The following RIMS2 variants were observed in gnomAD, a reference collection of about 807,000 sequenced individuals.
RIMS2 encodes the protein regulating synaptic membrane exocytosis 2, also known as regulating synaptic membrane exocytosis protein 2.
In RIMS2, 59 loss-of-function variants were observed where a neutral mutation model predicts 174.4. That is an observed-to-expected ratio of 0.34 (90% CI 0.27 to 0.42). RIMS2 has a LOEUF of 0.42. Ranked by LOEUF, RIMS2 falls within the 10% of genes least tolerant of loss-of-function variation. The probability of loss-of-function intolerance (pLI) is 1.00; values close to 1 mark genes in which losing one functional copy is unlikely to be tolerated. For synonymous variants in RIMS2, 606 were observed against 572.5 expected, an observed-to-expected ratio of 1.06 and a Z score of -0.84; for missense variants, 1,620 against 1,666.3, an observed-to-expected ratio of 0.97 and a Z score of 0.48.
At chr8:103,585,107 A>G (rs750370484) in intron 1 of RIMS2, among the ~76,000 whole-genome samples, 2 of 152,202 alleles carry the variant, frequency 1.3e-5, no homozygotes, top group Non-Finnish European at 2.9e-5. Flanking sequence ...TTCTCAAAAG[A>G]AGACATTTAT....
At chr8:104,198,879 G>A (rs2099039167) in intron 19 of RIMS2, among the ~76,000 whole-genome samples, 2 of 152,094 alleles carry the variant, frequency 1.3e-5, no homozygotes, top group Admixed American at 1.3e-4. Context: ...TAGGAGAAAA[G>A]CACACAAATT....
At chr8:103,727,551 C>T (rs2097540429) in intron 2 of RIMS2, among the ~76,000 whole-genome samples, 1 of 152,110 alleles carries the variant, frequency 6.6e-6, no homozygotes, top group East Asian at 1.9e-4. Context: ...TTGCCCAGAC[C>T]AATGTCCTGG....
chr8:103,862,447 C>T (rs2099063746), intron 3 of RIMS2, among the ~76,000 whole-genome samples: 1 of 151,676 alleles, frequency 6.6e-6, no homozygotes, highest in African/African-American at 2.4e-5. Flanking sequence ...ATTGCTTTGG[C>T]TATTCAGGCT....
intron 1 of RIMS2, among the ~76,000 whole-genome samples, chr8:103,658,783 G>A (rs1051715083): frequency 6.6e-5 from 10 of 152,286 alleles, no homozygotes; most frequent in African/African-American, 2.4e-4. Flanking sequence ...TACTAAATGT[G>A]CAGATCTCAG....
At chr8:103,829,152 C>G (rs901063900) in intron 3 of RIMS2, among the ~76,000 whole-genome samples, 1 of 148,034 alleles carries the variant, frequency 6.8e-6, no homozygotes, top group Non-Finnish European at 1.5e-5. Context: ...TGTTCAATAG[C>G]TCTAATCATT....
At chr8:104,046,189 A>G (rs2096691396) in intron 19 of RIMS2, among the ~76,000 whole-genome samples, 1 of 152,058 alleles carries the variant, frequency 6.6e-6, no homozygotes, top group African/African-American at 2.4e-5. Context: ...GTGTCTGGCT[A>G]GGGCCTGCTT....
chr8:103,855,518 C>G (rs571007488), intron 3 of RIMS2, among the ~76,000 whole-genome samples: 1 of 152,208 alleles, frequency 6.6e-6, no homozygotes, highest in East Asian at 1.9e-4. Context: ...CCTCTTAACA[C>G]TACTTTAGCT....
At chr8:104,172,351 A>G (rs749284931) in intron 19 of RIMS2, among the ~76,000 whole-genome samples, 4 of 152,112 alleles carry the variant, frequency 2.6e-5, no homozygotes, top group Non-Finnish European at 5.9e-5. Flanking sequence ...TAGAAATGGG[A>G]GGTACCAACT....
intron 3 of RIMS2, among the ~76,000 whole-genome samples, chr8:103,843,018 TTAGA>T (rs1241103411): frequency 6.6e-6 from 1 of 152,158 alleles, no homozygotes; most frequent in Non-Finnish European, 1.5e-5. Context: ...AGTATACTAG[TTAGA>T]TTGGATTAGG....
intron 1 of RIMS2, among the ~76,000 whole-genome samples, chr8:103,672,986 CA>C (rs2096763943): frequency 6.6e-6 from 1 of 152,100 alleles, no homozygotes; most frequent in South Asian, 2.1e-4. Flanking sequence ...ATTTTTATCC[CA>C]AAAGGTAGAA....
intron 1 of RIMS2, among the ~76,000 whole-genome samples, chr8:103,627,895 T>C (rs983009382): frequency 6.6e-6 from 1 of 152,236 alleles, no homozygotes; most frequent in African/African-American, 2.4e-5. Context: ...TTTTAATTTA[T>C]GTTAATCTAG....
intron 2 of RIMS2, among the ~76,000 whole-genome samples, chr8:103,732,207 T>C (rs1404215002): frequency 6.6e-6 from 1 of 152,224 alleles, no homozygotes; most frequent in African/African-American, 2.4e-5. Context: ...ACCGAGGTGC[T>C]GATGCCATGG....
chr8:103,875,352 AAC>A (rs1258318957), intron 3 of RIMS2, among the ~76,000 whole-genome samples: 1 of 152,034 alleles, frequency 6.6e-6, no homozygotes, highest in Admixed American at 6.6e-5. Flanking sequence ...TATGAGTAAG[AAC>A]ATACAATATT....
chr8:104,018,618 T>C (rs1422494259), intron 19 of RIMS2, among the ~76,000 whole-genome samples: 1 of 152,210 alleles, frequency 6.6e-6, no homozygotes. Context: ...AAATATTTAA[T>C]GAGTACCTAC....
intron 17 of RIMS2, among the ~76,000 whole-genome samples, chr8:104,000,820 G>T (rs764501172): frequency 6.6e-6 from 1 of 151,756 alleles, no homozygotes; most frequent in Non-Finnish European, 1.5e-5. Context: ...GTGATGTTGA[G>T]CATTTTTTTA....
chr8:104,201,149 A>G (rs536351477), intron 19 of RIMS2, among the ~76,000 whole-genome samples: 36 of 152,036 alleles, frequency 2.4e-4, no homozygotes, highest in Admixed American at 6.6e-5. Flanking sequence ...CCCCTCAAGT[A>G]GGCCCTGGTG....
chr8:103,965,275 T>A (rs1032625003), intron 15 of RIMS2, among the ~76,000 whole-genome samples: 1 of 152,186 alleles, frequency 6.6e-6, no homozygotes, highest in Non-Finnish European at 1.5e-5. Flanking sequence ...TATTGAGTAT[T>A]CCTTTATATG....
At chr8:104,209,694 A>G (rs1207217461) in intron 19 of RIMS2, among the ~76,000 whole-genome samples, 2 of 152,208 alleles carry the variant, frequency 1.3e-5, no homozygotes, top group East Asian at 3.8e-4. Context: ...TACTTAAGAT[A>G]GTAGGTGCCT....
intron 19 of RIMS2, among the ~76,000 whole-genome samples, chr8:104,176,500 T>A (rs2098896434): frequency 6.6e-6 from 1 of 152,152 alleles, no homozygotes; most frequent in African/African-American, 2.4e-5. Flanking sequence ...GTCCTTAAAC[T>A]ATTGGTTTAT....
Sources: gnomAD v4.1 joint callset for allele counts (sites outside exome capture counted in the v4.1 genomes callset) on GRCh38, gnomAD v4.1.1 for gene constraint, MANE v1.5 for transcripts, NCBI Gene and HGNC (gene_info 2026-07-23, HGNC 2026-07-21) for gene names.